UBAP2L: variants seen among roughly 807,000 people sequenced by gnomAD.
UBAP2L encodes the protein ubiquitin-associated protein 2-like.
A neutral mutation model predicts 130.6 loss-of-function variants in UBAP2L; 12 were observed. The observed-to-expected ratio is 0.09, with a 90% CI of 0.06 to 0.15. The LOEUF (loss-of-function observed/expected upper bound fraction) is 0.15. Among genes scored for constraint, UBAP2L ranks in the 10% least tolerant of loss-of-function variants. The pLI is 1.00. For missense variants in UBAP2L, 965 were observed against 1,332.5 expected, an observed-to-expected ratio of 0.72 and a Z score of 4.29; for synonymous variants, 503 against 524.7, an observed-to-expected ratio of 0.96 and a Z score of 0.57.
chr1:154,265,555 TTTATTTCATGGC>T (rs1395811141), intron 24 of UBAP2L, among the ~76,000 whole-genome samples: 1 of 152,236 alleles, frequency 6.6e-6, no homozygotes, highest in Non-Finnish European at 1.5e-5. Flanking sequence ...TGTTAGGTTA[TTTATTTCATGGC>T]TTTTCCTATC....
At chr1:154,243,358 G>A (rs1674215309) in intron 10 of UBAP2L, 56 bp downstream of exon 10, 4 of 1,519,622 alleles carry the variant, frequency 2.6e-6, no homozygotes, top group Non-Finnish European at 3.6e-6. Flanking sequence ...TGAGATTACT[G>A]TAAAGAGAAG....
intron 18 of UBAP2L, among the ~76,000 whole-genome samples, chr1:154,256,202 A>ACTATTAATAGTAATT (rs1679596837): frequency 2.0e-5 from 3 of 152,318 alleles, no homozygotes; most frequent in East Asian, 1.9e-4. Context: ...ATTTGTAACA[A>ACTATTAATAGTAATT]CTATTAATAG....
At chr1:154,250,425 C>T (rs1314276201) in intron 12 of UBAP2L, among the ~76,000 whole-genome samples, 1 of 152,066 alleles carries the variant, frequency 6.6e-6, no homozygotes, top group East Asian at 1.9e-4. Context: ...TATGCCATGC[C>T]TTGTTTTTGC....
rs1291918095 is a variant in UBAP2L, at chr1:154,223,562, AC to A, written c.-40-1520del. On this transcript the variant is annotated intron_variant, in intron 1 of 26. Transcript: ENST00000428931. The stretch of plus-strand genomic sequence containing the variant: ...TAAAGTTGAAACGACTATAATGCTA[AC>A]CTGGGAAAATGGGCTACTGTGTAGC... Among the ~76,000 whole-genome samples the A allele has an allele frequency of 2.4e-3, 365 of 152,176 alleles. 1 individual carries two copies. The highest frequency in any genetic ancestry group is 4.1e-3 in the Non-Finnish European group (281 of 68,004).
At chr1:154,221,911 T>C (rs992884522) in intron 1 of UBAP2L, among the ~76,000 whole-genome samples, 2 of 152,206 alleles carry the variant, frequency 1.3e-5, no homozygotes, top group African/African-American at 4.8e-5. Context: ...TTGTTCACTC[T>C]TCTCATAATG....
At chr1:154,249,467 T>C (rs1217694961) in intron 12 of UBAP2L, 30 bp downstream of exon 12, 1 of 1,613,264 alleles carries the variant, frequency 6.2e-7, no homozygotes, top group Admixed American at 1.7e-5. Context: ...CTTGAATCTT[T>C]AAAGCATTGG....
intron 11 of UBAP2L, among the ~76,000 whole-genome samples, chr1:154,247,321 T>C (rs1477932995): frequency 6.6e-6 from 1 of 151,978 alleles, no homozygotes; most frequent in African/African-American, 2.4e-5. Flanking sequence ...TCCTGCCACA[T>C]AGGAAAGGTA....
chr1:154,270,555 T>G lies in UBAP2L; in HGVS notation c.*260T>G, dbSNP rs1049494154. On this transcript the variant is annotated 3_prime_UTR_variant, in exon 27 of 27. Coordinates refer to ENST00000428931, the MANE Select transcript of UBAP2L (RefSeq NM_014847.4). The stretch of plus-strand genomic sequence containing the variant: ...CCTCTTGCATTCAAGATTATGAAAC[T>G]TTGCTATGGGCCCTGCACTTCCTTT... 1 of 1,429,540 alleles carries G rather than the reference T, an allele frequency of 7.0e-7. No homozygotes were observed. The highest frequency in any genetic ancestry group is 9.1e-7 in the Non-Finnish European group (1 of 1,095,684). The allele number at this position is 1,429,540 out of a possible 1,614,324, so 88.6% of individuals were successfully genotyped here. A position where few individuals can be genotyped will look rare whatever the true frequency, so the allele number is the denominator to read the frequency against.
Position 154,266,401 on chromosome 1 carries a change from A to G in UBAP2L, c.2903-100A>G, listed in dbSNP as rs1683246843. On this transcript the variant is annotated intron_variant, in intron 24 of 26. Transcript: ENST00000428931. ...GGAAAACCGACCAAAATTCCCTTGC[A>G]TTGGTATAGCTAGAAAGGCTACAGA... 20 of 1,285,454 alleles carry G rather than the reference A, an allele frequency of 1.6e-5. No individual in the cohort carries two copies. In the South Asian group the frequency reaches 1.8e-4, roughly 11 times the overall value. 79.6% of individuals were successfully genotyped at this position (1,285,454 alleles called of 1,614,324 possible).
At position 154,227,368 on chromosome 1, in the gene UBAP2L, A is replaced by G. The variant is rs1668295741; in HGVS notation, c.168+9A>G. ...AGGAGAAGGTGAAACAAGTGAGTGT[A>G]TCACTAATTTACTGTACACTATGAG... On this transcript the variant is annotated intron_variant, in intron 3 of 26. Transcript: ENST00000428931. The G allele has an allele frequency of 6.2e-7, 1 of 1,607,572 alleles. No individual in the cohort carries two copies. The highest frequency in any genetic ancestry group is 8.5e-7 in the Non-Finnish European group (1 of 1,174,358).
intron 11 of UBAP2L, among the ~76,000 whole-genome samples, chr1:154,248,617 C>A (rs7524346): frequency 0.42 from 64,323 of 151,850 alleles, 14,238 homozygotes; most frequent in South Asian, 0.64. Flanking sequence ...GAGATCGAGA[C>A]CATCCTGGCT....
At chr1:154,239,588 G>A (rs888385042) in intron 8 of UBAP2L, among the ~76,000 whole-genome samples, 1 of 152,058 alleles carries the variant, frequency 6.6e-6, no homozygotes, top group Admixed American at 6.6e-5. Flanking sequence ...TGCTTCCTCA[G>A]CTCTCTCTCT....
At position 154,251,520 on chromosome 1, in the gene UBAP2L, A is replaced by G. The variant is rs756826851; in HGVS notation, c.1531A>G (p.Ile511Val). The change falls in exon 14 of 27, where the codon ATC (isoleucine) becomes GTC (valine). Residue 511 changes from isoleucine (I) to valine (V), a missense_variant. This residue lies in a region of UBAP2L where 393 missense variants were observed against 408.1 expected (regional missense o/e 0.96). Coordinates refer to ENST00000428931, the MANE Select transcript of UBAP2L (RefSeq NM_014847.4). ...LAVEMPGSAD[I>V]SGLNLQFGAL... Reference sequence around the variant, plus strand: ...TGTGGAGATGCCTGGCTCAGCAGATATCTCAGGGCTAAACCTGCAGTTTGG... The same window carrying G: ...TGTGGAGATGCCTGGCTCAGCAGATGTCTCAGGGCTAAACCTGCAGTTTGG... The G allele has an allele frequency of 1.9e-6, 3 of 1,614,056 alleles. No homozygotes were observed. In the South Asian group the frequency reaches 3.3e-5, roughly 18 times the overall value.
chr1:154,259,018 A>G lies in UBAP2L; in HGVS notation c.2484A>G (p.Thr828=), dbSNP rs762420405. The part of the protein sequence containing the change: ...YGYDDLQMLQ[T]RFPLDYYSIP... The stretch of plus-strand genomic sequence containing the variant: ...ATGATGACTTGCAGATGCTTCAGAC[A>G]AGATTTCCATTGGTGAGTATGTGGG... Residue 828 remains threonine, a synonymous_variant, in exon 21 of 27, where the codon ACA becomes ACG. Transcript: ENST00000428931. The G allele has an allele frequency of 3.1e-6, 5 of 1,613,860 alleles. No individual in the cohort carries two copies. In the African/African-American group the frequency reaches 5.3e-5, roughly 17 times the overall value.
At position 154,234,714 on chromosome 1, in the gene UBAP2L, G is replaced by T. The variant is rs777246805; in HGVS notation, c.403G>T (p.Gly135Cys). 52 of 1,611,556 alleles carry T rather than the reference G, an allele frequency of 3.2e-5. No homozygotes were observed. The highest frequency in any genetic ancestry group is 4.2e-5 in the Non-Finnish European group (50 of 1,178,920). ...GGACAGAGACTATAGTCGGCGACGTGGTGGGCCACCAAGACGGGGGAGAGG... is the reference window on the plus strand; with the variant it reads ...GGACAGAGACTATAGTCGGCGACGTTGTGGGCCACCAAGACGGGGGAGAGG... Reference protein sequence around the residue: ...DRDRDYSRRRGGPPRRGRGAS... With the variant: ...DRDRDYSRRRCGPPRRGRGAS... Residue 135 changes from glycine to cysteine, a missense_variant, in exon 5 of 27, where the codon GGT becomes TGT. Gly to Cys is a radical substitution (Grantham distance 159). Coordinates refer to ENST00000428931, the MANE Select transcript of UBAP2L (RefSeq NM_014847.4).
At chr1:154,249,644 C>T (rs778430136) in intron 12 of UBAP2L, among the ~76,000 whole-genome samples, 46 of 152,044 alleles carry the variant, frequency 3.0e-4, no homozygotes, top group Non-Finnish European at 6.2e-4. Flanking sequence ...TATTTCTCAT[C>T]ACATTTAGAG....
chr1:154,234,706 G>A lies in UBAP2L; in HGVS notation c.395G>A (p.Arg132Gln), dbSNP rs774158418. Residue 132 changes from arginine to glutamine, a missense_variant, in exon 5 of 27, where the codon CGG becomes CAG. Physicochemically the swap from Arg to Gln is conservative, Grantham distance 43 (BLOSUM62 1). Transcript: ENST00000428931. ...CGAGACCGGGACAGAGACTATAGTC[G>A]GCGACGTGGTGGGCCACCAAGACGG... ...ENRDRDRDYS[R>Q]RRGGPPRRGR... 4.3e-6 allele frequency: 7 copies of A among 1,612,672 alleles called. No homozygotes were observed. Among genetic ancestry groups the A allele is most frequent in the Non-Finnish European group, 5.9e-6 (7 of 1,179,384 alleles).
intron 5 of UBAP2L, 134 bp from the exon 6 acceptor site, chr1:154,235,062 G>A (rs1443378226): frequency 1.5e-5 from 10 of 655,084 alleles, no homozygotes; most frequent in Non-Finnish European, 2.2e-5. Context: ...TTTTCTCTTC[G>A]TTGTTTTTTT....
At chr1:154,239,893 T>G (rs1672923790) in intron 8 of UBAP2L, among the ~76,000 whole-genome samples, 1 of 152,238 alleles carries the variant, frequency 6.6e-6, no homozygotes, top group Non-Finnish European at 1.5e-5. Flanking sequence ...ACTTTGGTTT[T>G]GAGAATATTG....
Sources: gnomAD v4.1 joint callset for allele counts (sites outside exome capture counted in the v4.1 genomes callset) on GRCh38, gnomAD v4.1.1 for gene constraint, gnomAD v4.1.1 regional missense constraint, MANE v1.5 for transcripts, NCBI Gene and HGNC (gene_info 2026-07-23, HGNC 2026-07-21) for gene names.